Variants in KATNAL1 observed in about 807,000 individuals in gnomAD.
The protein encoded by KATNAL1 is katanin p60 ATPase-containing subunit A-like 1.
Under a neutral mutation model 55.2 loss-of-function variants are expected in KATNAL1, and 32 were observed. The observed-to-expected ratio is 0.58, with a 90% CI of 0.44 to 0.78. KATNAL1 has a LOEUF of 0.78. Among genes scored for constraint, KATNAL1 ranks in the 30% least tolerant of loss-of-function variants. The pLI is 0.00. For synonymous variants in KATNAL1, 193 were observed against 193.6 expected (o/e 1.00, Z 0.02); for missense variants, 466 against 600.9 (o/e 0.78, Z 2.35).
At chr13:30,269,831 C>G (rs1224615014) in intron 3 of KATNAL1, among the ~76,000 whole-genome samples, 4 of 148,312 alleles carry the variant, frequency 2.7e-5, no homozygotes, top group African/African-American at 1.0e-4. Context: ...GGAGCCCCTC[C>G]GCCCGGCAGC....
intron 4 of KATNAL1, among the ~76,000 whole-genome samples, chr13:30,241,295 A>G (rs545123440): frequency 5.3e-5 from 8 of 152,290 alleles, no homozygotes; most frequent in Admixed American, 2.6e-4. Flanking sequence ...CTTCAAATCT[A>G]CATTCTTGCA....
At chr13:30,255,750 T>G in intron 3 of KATNAL1, 135 bp from the exon 4 acceptor site, 138 of 669,634 alleles carry the variant, frequency 2.1e-4, no homozygotes, top group Non-Finnish European at 2.4e-4. Context: ...CTTTGGCCAA[T>G]TCATGGCCAC....
chr13:30,252,002 G>A (rs895453231), intron 4 of KATNAL1, among the ~76,000 whole-genome samples: 1 of 152,052 alleles, frequency 6.6e-6, no homozygotes, highest in South Asian at 2.1e-4. Context: ...AAAGAAAAAA[G>A]ACATAATCAG....
chr13:30,231,440 AC>A lies in KATNAL1; in HGVS notation c.758del (p.Gly253ValfsTer5). The A allele has an allele frequency of 6.3e-7, 1 of 1,591,184 alleles. No individual in the cohort carries two copies. ...CAACAGCTTTAGCTAGCATAGTTTT[AC>A]CAGTGCCTGGGGGTCCAACCATCAG... ...GVLMVGPPGT[G>X]KTMLAKAVAT... On this transcript the variant is annotated frameshift_variant, in exon 7 of 11. Transcript: ENST00000380615. LOFTEE classifies it high-confidence loss of function.
chr13:30,252,263 C>T (rs978558633), intron 4 of KATNAL1, among the ~76,000 whole-genome samples: 2 of 152,102 alleles, frequency 1.3e-5, no homozygotes, highest in Non-Finnish European at 2.9e-5. Context: ...TCAAAGCGGG[C>T]TTTTTTTGTA....
At chr13:30,278,805 A>C (rs1881056200) in intron 3 of KATNAL1, among the ~76,000 whole-genome samples, 2 of 152,182 alleles carry the variant, frequency 1.3e-5, no homozygotes, top group Non-Finnish European at 2.9e-5. Context: ...TTTATTTTGG[A>C]ACTTCCATGG....
chr13:30,245,795 C>A (rs1423222378), intron 4 of KATNAL1, among the ~76,000 whole-genome samples: 1 of 152,118 alleles, frequency 6.6e-6, no homozygotes, highest in Non-Finnish European at 1.5e-5. Flanking sequence ...CTTCCATTCA[C>A]AACTGCTACA....
chr13:30,208,488 T>G lies in KATNAL1; in HGVS notation c.*52A>C. On this transcript the variant is annotated 3_prime_UTR_variant, in exon 11 of 11. Transcript: ENST00000380615. ...CTTGTTTTTTAAAAATTGCAGGAAT[T>G]TCTTCGTATTTTATCAACAAAAATA... 2.1e-6 allele frequency: 3 copies of G among 1,401,670 alleles called. No individual in the cohort carries two copies. The South Asian group carries it at 5.0e-5, about 23-fold the overall frequency. 86.8% of individuals were successfully genotyped at this position (1,401,670 alleles called of 1,614,324 possible). A position where few individuals can be genotyped will look rare whatever the true frequency, so the allele number is the denominator to read the frequency against.
At chr13:30,274,864 T>A (rs1201684532) in intron 3 of KATNAL1, among the ~76,000 whole-genome samples, 1 of 150,152 alleles carries the variant, frequency 6.7e-6, no homozygotes, top group African/African-American at 2.5e-5. Context: ...TGCATATATG[T>A]TGGGGGCGGG....
intron 3 of KATNAL1, among the ~76,000 whole-genome samples, chr13:30,263,509 A>C (rs1368426835): frequency 2.0e-5 from 3 of 152,060 alleles, no homozygotes; most frequent in Non-Finnish European, 4.4e-5. Flanking sequence ...GCTGATAAGC[A>C]ACTTCAGCAA....
rs554570309 is a variant in KATNAL1 at position 30,261,933 on chromosome 13, C to A, written c.324-6318G>T. Among the ~76,000 whole-genome samples the A allele has an allele frequency of 2.8e-3, 430 of 152,166 alleles. 4 individuals are homozygous for A. The highest frequency in any genetic ancestry group is 9.8e-3 in the African/African-American group (408 of 41,516). On this transcript the variant is annotated intron_variant, in intron 3 of 10. Coordinates refer to ENST00000380615, the MANE Select transcript of KATNAL1 (RefSeq NM_032116.5). The stretch of plus-strand genomic sequence containing the variant: ...AATATACATTTTTTTCAGCACCACA[C>A]CACACCTATTCCAAAATTGACCACA...
chr13:30,214,684 A>G (rs1359068099), intron 9 of KATNAL1, among the ~76,000 whole-genome samples: 5 of 152,136 alleles, frequency 3.3e-5, no homozygotes, highest in African/African-American at 1.2e-4. Context: ...AGGATTCCCT[A>G]TTTAATAAAT....
intron 9 of KATNAL1, among the ~76,000 whole-genome samples, chr13:30,217,045 T>C (rs909293089): frequency 6.6e-6 from 1 of 151,028 alleles, no homozygotes; most frequent in Non-Finnish European, 1.5e-5. Context: ...GCAGAAAGCA[T>C]ATTCTGTTTC....
intron 9 of KATNAL1, among the ~76,000 whole-genome samples, chr13:30,226,044 G>C (rs1159441638): frequency 6.6e-6 from 1 of 152,142 alleles, no homozygotes; most frequent in Admixed American, 6.6e-5. Context: ...CTCAACGTAA[G>C]TCATCAGAGA....
intron 2 of KATNAL1, among the ~76,000 whole-genome samples, chr13:30,280,880 A>G (rs1397822495): frequency 6.6e-6 from 1 of 152,140 alleles, no homozygotes; most frequent in Non-Finnish European, 1.5e-5. Context: ...TGTGTTTGCA[A>G]ACTTTGAGCC....
intron 1 of KATNAL1, chr13:30,306,793 A>G (rs1201695163): frequency 6.6e-6 from 1 of 151,904 alleles, no homozygotes; most frequent in Non-Finnish European, 1.5e-5. Flanking sequence ...GCAACCTGCG[A>G]GGGTCAGAGG....
intron 1 of KATNAL1, among the ~76,000 whole-genome samples, chr13:30,299,715 C>A (rs528843490): frequency 3.9e-5 from 6 of 152,128 alleles, no homozygotes; most frequent in Non-Finnish European, 8.8e-5. Flanking sequence ...CATCTTCTTA[C>A]AGTATTTACT....
intron 4 of KATNAL1, among the ~76,000 whole-genome samples, chr13:30,255,094 T>C (rs1423382219): frequency 2.0e-5 from 3 of 152,240 alleles, no homozygotes; most frequent in Non-Finnish European, 2.9e-5. Flanking sequence ...AACAGATACA[T>C]CTACCTTCTT....
At chr13:30,297,007 C>T (rs565845905) in intron 1 of KATNAL1, among the ~76,000 whole-genome samples, 14 of 151,990 alleles carry the variant, frequency 9.2e-5, no homozygotes, top group Admixed American at 2.0e-4. Flanking sequence ...AAAAATTAGT[C>T]ACATGTGGTC....
Sources: allele counts gnomAD v4.1 joint callset (sites outside exome capture counted in the v4.1 genomes callset), GRCh38; gene constraint gnomAD v4.1.1; transcripts MANE v1.5; gene names NCBI Gene and HGNC (gene_info 2026-07-23, HGNC 2026-07-21).